The following PITPNM2 variants were observed in gnomAD, a reference collection of about 807,000 sequenced individuals.
PITPNM2 encodes the protein membrane-associated phosphatidylinositol transfer protein 2.
A neutral mutation model predicts 132.2 loss-of-function variants in PITPNM2; 35 were observed. The observed-to-expected ratio is 0.26, with a 90% CI of 0.20 to 0.35. The LOEUF (loss-of-function observed/expected upper bound fraction) is 0.35. Among genes scored for constraint, PITPNM2 ranks in the 10% least tolerant of loss-of-function variants. The probability of loss-of-function intolerance (pLI) is 1.00; values close to 1 mark genes in which losing one functional copy is unlikely to be tolerated. For missense variants in PITPNM2, 1,332 were observed against 1,912.0 expected (o/e 0.70, Z 5.66); for synonymous variants, 738 against 799.2 (o/e 0.92, Z 1.29).
At chr12:123,003,470 G>C (rs2038786263) in intron 8 of PITPNM2, among the ~76,000 whole-genome samples, 1 of 152,238 alleles carries the variant, frequency 6.6e-6, no homozygotes, top group Middle Eastern at 3.2e-3. Context: ...CAAGGCTCCT[G>C]GTGCAGAGGC....
intron 1 of PITPNM2, among the ~76,000 whole-genome samples, chr12:123,139,267 G>C (rs749472188): frequency 6.6e-6 from 1 of 152,106 alleles, no homozygotes; most frequent in South Asian, 2.1e-4. Context: ...TTGGGAGGCC[G>C]AGGCAGGCGG....
At chr12:123,050,162 G>C (rs1358997556) in intron 2 of PITPNM2, among the ~76,000 whole-genome samples, 1 of 152,204 alleles carries the variant, frequency 6.6e-6, no homozygotes, top group Non-Finnish European at 1.5e-5. Flanking sequence ...GTGGGCTGGG[G>C]GTGGGGGTAT....
chr12:123,001,079 C>A lies in PITPNM2; in HGVS notation c.1128G>T (p.Glu376Asp). ...WSSNDLMDKI[E>D]SPEPEDTQDG... ...CTTGTGTGTCTTCCGGCTCTGGGCTCTCGATCTTGTCCATGAGGTCATTGG... is the reference window on the plus strand; with the variant it reads ...CTTGTGTGTCTTCCGGCTCTGGGCTATCGATCTTGTCCATGAGGTCATTGG... Residue 376 changes from glutamate to aspartate, a missense_variant, in exon 9 of 26, where the codon GAG becomes GAT. By Grantham distance (45) the Glu-to-Asp change is conservative. This residue lies in a region of PITPNM2 where 710 missense variants were observed against 911.5 expected (regional missense o/e 0.78). Coordinates refer to ENST00000320201, the MANE Select transcript of PITPNM2 (RefSeq NM_020845.3). 6.2e-7 allele frequency: 1 copy of A among 1,614,178 alleles called. No individual in the cohort carries two copies. The highest frequency in any genetic ancestry group is 1.1e-5 in the South Asian group (1 of 91,082).
chr12:123,065,524 C>G lies in PITPNM2; in HGVS notation c.-95-30839G>C, dbSNP rs2041383148. ...TCCAAGGCACCAGGCTCTGTGGGAG[C>G]AGCTGACACACCTTGTCCCAGCAGA... is the stretch of plus-strand genomic sequence containing the variant. On this transcript the variant is annotated intron_variant, in intron 2 of 25. Coordinates refer to ENST00000320201, the MANE Select transcript of PITPNM2 (RefSeq NM_020845.3). Among the ~76,000 whole-genome samples the G allele has an allele frequency of 1.3e-5, 2 of 152,214 alleles. 1 individual carries two copies. The highest frequency in any genetic ancestry group is 4.1e-4 in the South Asian group (2 of 4,830).
chr12:123,063,810 C>A (rs1347960039), intron 2 of PITPNM2, among the ~76,000 whole-genome samples: 1 of 152,166 alleles, frequency 6.6e-6, no homozygotes, highest in Admixed American at 6.5e-5. Flanking sequence ...CTCACTTGGT[C>A]TTAAGGAAGT....
intron 1 of PITPNM2, among the ~76,000 whole-genome samples, chr12:123,142,656 G>A (rs2043529151): frequency 6.6e-6 from 1 of 152,150 alleles, no homozygotes; most frequent in Non-Finnish European, 1.5e-5. Context: ...ATTGAAATAT[G>A]CTGCAACAAG....
intron 3 of PITPNM2, among the ~76,000 whole-genome samples, chr12:123,017,118 C>T (rs1485702911): frequency 1.3e-5 from 2 of 151,322 alleles, no homozygotes; most frequent in African/African-American, 2.4e-5. Context: ...CTCCTGTAAT[C>T]CCAGCACTTT....
intron 1 of PITPNM2, among the ~76,000 whole-genome samples, chr12:123,139,891 A>G (rs2043466816): frequency 6.6e-6 from 1 of 152,090 alleles, no homozygotes; most frequent in Non-Finnish European, 1.5e-5. Context: ...CCCCTTCCCC[A>G]CAGACCACCT....
At chr12:122,995,697 C>T (rs377735082) in intron 13 of PITPNM2, 37 bp from the exon 14 acceptor site, 28 of 1,539,926 alleles carry the variant, frequency 1.8e-5, no homozygotes, top group African/African-American at 8.1e-5. Context: ...GCCAGGTGGC[C>T]GCTGGCCTGA....
chr12:123,133,399 T>A (rs2043307580), intron 1 of PITPNM2, among the ~76,000 whole-genome samples: 1 of 152,208 alleles, frequency 6.6e-6, no homozygotes, highest in South Asian at 2.1e-4. Context: ...AGCTCTGGTG[T>A]CTGCTGGCTG....
chr12:123,048,110 AAAAG>A (rs1158091143), intron 2 of PITPNM2, among the ~76,000 whole-genome samples: 1 of 150,278 alleles, frequency 6.7e-6, no homozygotes, highest in Non-Finnish European at 1.5e-5. Context: ...AAAAAAAAAA[AAAAG>A]AGACAGACAG....
intron 2 of PITPNM2, among the ~76,000 whole-genome samples, chr12:123,072,917 C>T (rs182320361): frequency 1.1e-4 from 17 of 152,354 alleles, no homozygotes; most frequent in African/African-American, 3.1e-4. Context: ...AGCCAGAATC[C>T]GGAGCCCCAA....
Sources: allele counts gnomAD v4.1 joint callset (sites outside exome capture counted in the v4.1 genomes callset), GRCh38; gene constraint gnomAD v4.1.1; regional missense constraint gnomAD v4.1.1; transcripts MANE v1.5; gene names NCBI Gene and HGNC (gene_info 2026-07-23, HGNC 2026-07-21).